CACNA1I: variants seen among roughly 807,000 people sequenced by gnomAD.
CACNA1I encodes calcium voltage-gated channel subunit alpha1 I, also known as voltage-dependent T-type calcium channel subunit alpha-1I.
Under a neutral mutation model 201.6 loss-of-function variants are expected in CACNA1I, and 74 were observed. The ratio of observed to expected loss-of-function variants is 0.37; its 90% CI spans 0.30 to 0.45. The LOEUF (loss-of-function observed/expected upper bound fraction) is 0.45, where lower values mean the gene tolerates loss of function less well. CACNA1I is among the 20% of genes least tolerant of loss of function. The pLI is 1.00. For missense variants in CACNA1I, 2,346 were observed against 3,138.1 expected, an observed-to-expected ratio of 0.75 and a Z score of 6.03; for synonymous variants, 1,431 against 1,345.2, an observed-to-expected ratio of 1.06 and a Z score of -1.40.
chr22:39,660,477 C>T, intron 15 of CACNA1I, 40 bp downstream of exon 15: 1 of 1,460,484 alleles, frequency 6.8e-7, no homozygotes, highest in African/African-American at 1.4e-5. Flanking sequence ...AGCCCAGAGC[C>T]TTCTCCACAG....
At chr22:39,675,237 A>T (rs1264693641) in intron 29 of CACNA1I, among the ~76,000 whole-genome samples, 3 of 152,350 alleles carry the variant, frequency 2.0e-5, no homozygotes, top group Admixed American at 2.0e-4. Context: ...CTTATTTCAA[A>T]GGGCGGCGGT....
At chr22:39,598,850 G>A (rs74433674) in intron 2 of CACNA1I, among the ~76,000 whole-genome samples, 7,378 of 151,558 alleles carry the variant, frequency 0.049, 561 homozygotes, top group African/African-American at 0.16. Context: ...AGATGTTAGG[G>A]TTGTACCCAT....
intron 1 of CACNA1I, among the ~76,000 whole-genome samples, chr22:39,589,878 A>G (rs1932801787): frequency 6.6e-6 from 1 of 152,188 alleles, no homozygotes; most frequent in African/African-American, 2.4e-5. Context: ...TTATTTAGAC[A>G]ACTGAAACGC....
chr22:39,617,663 T>C (rs938218268), intron 3 of CACNA1I, among the ~76,000 whole-genome samples: 4 of 152,122 alleles, frequency 2.6e-5, no homozygotes, highest in Admixed American at 1.3e-4. Context: ...AAAATGACAG[T>C]TGGGCTCACC....
chr22:39,663,960 G>A, intron 19 of CACNA1I, 119 bp downstream of exon 19: 2 of 1,536,816 alleles, frequency 1.3e-6, no homozygotes, highest in Admixed American at 3.4e-5. Context: ...TTTGCCTTTG[G>A]GGCGGGGAAA....
In CACNA1I at chr22:39,673,923, G is replaced by A. The variant is rs74810723; in HGVS notation, c.4784-40G>A. The A allele has an allele frequency of 4.7e-3, 7,532 of 1,598,370 alleles. 294 individuals are homozygous for A. In the African/African-American group the frequency reaches 0.082, roughly 17 times the overall value. On this transcript the variant is annotated intron_variant, in intron 28 of 36. Coordinates refer to ENST00000402142, the MANE Select transcript of CACNA1I (RefSeq NM_021096.4). Reference sequence around the variant, plus strand: ...ATGCGTGCACACACACGTCCCCACCGGCCTGGGGCTGAGTGGGCAGGGCTG... The same window carrying A: ...ATGCGTGCACACACACGTCCCCACCAGCCTGGGGCTGAGTGGGCAGGGCTG...
chr22:39,590,884 C>A (rs1302158741), intron 1 of CACNA1I, among the ~76,000 whole-genome samples: 1 of 152,162 alleles, frequency 6.6e-6, no homozygotes, highest in African/African-American at 2.4e-5. Context: ...CTCGCTCTGT[C>A]GCTCAGGCTG....
chr22:39,578,977 C>T (rs565623047), intron 1 of CACNA1I, among the ~76,000 whole-genome samples: 4 of 152,282 alleles, frequency 2.6e-5, no homozygotes, highest in African/African-American at 9.6e-5. Context: ...AACTTCCAGG[C>T]ACCATCGGCA....
At chr22:39,681,855 C>A (rs570249317) in intron 34 of CACNA1I, among the ~76,000 whole-genome samples, 1 of 152,274 alleles carries the variant, frequency 6.6e-6, no homozygotes, top group South Asian at 2.1e-4. Flanking sequence ...TCATTTTGGT[C>A]CCCTCCCTGA....
intron 3 of CACNA1I, among the ~76,000 whole-genome samples, chr22:39,614,118 G>C (rs1302988359): frequency 3.3e-5 from 5 of 152,200 alleles, no homozygotes; most frequent in African/African-American, 1.2e-4. Context: ...AAAGTACTGG[G>C]CTTACAGGCA....
intron 1 of CACNA1I, among the ~76,000 whole-genome samples, chr22:39,577,663 A>G (rs538105932): frequency 2.0e-5 from 3 of 152,372 alleles, no homozygotes; most frequent in Admixed American, 2.0e-4. Flanking sequence ...CTGTGCAGCC[A>G]GGAGACCCGT....
intron 5 of CACNA1I, among the ~76,000 whole-genome samples, chr22:39,640,611 C>T (rs942960021): frequency 6.6e-6 from 1 of 152,102 alleles, no homozygotes; most frequent in East Asian, 1.9e-4. Context: ...GAGGGCATCT[C>T]CCCCAGGAGC....
chr22:39,674,059 C>G, intron 29 of CACNA1I, 26 bp downstream of exon 29: 1 of 1,608,154 alleles, frequency 6.2e-7, no homozygotes, highest in Non-Finnish European at 8.5e-7. Flanking sequence ...TCTGGCAGCC[C>G]TCCTAGGGGT....
At chr22:39,670,352 G>C in intron 25 of CACNA1I, 122 bp downstream of exon 25, 2 of 998,902 alleles carry the variant, frequency 2.0e-6, no homozygotes, top group East Asian at 5.2e-5. Flanking sequence ...CCTGTGCCCA[G>C]GGCTCAGCCA....
chr22:39,658,662 C>T (rs1016834893), intron 11 of CACNA1I, among the ~76,000 whole-genome samples: 10 of 152,190 alleles, frequency 6.6e-5, no homozygotes, highest in Non-Finnish European at 1.0e-4. Context: ...CCAAAAGACA[C>T]GTTAAATCTC....
intron 29 of CACNA1I, among the ~76,000 whole-genome samples, chr22:39,674,813 T>A (rs1013166542): frequency 2.0e-5 from 3 of 152,150 alleles, no homozygotes; most frequent in Non-Finnish European, 2.9e-5. Flanking sequence ...GCACAGATAC[T>A]GCACATTAAA....
intron 10 of CACNA1I, among the ~76,000 whole-genome samples, chr22:39,650,873 T>G (rs1387655383): frequency 6.6e-6 from 1 of 151,692 alleles, no homozygotes; most frequent in Non-Finnish European, 1.5e-5. Context: ...TGGGAGATGG[T>G]GGGAGCTGGG....
Position 39,686,258 on chromosome 22 carries a change from C to A in CACNA1I, c.6525C>A (p.Ala2175=). 7.8e-7 allele frequency: 1 copy of A among 1,288,346 alleles called. No homozygotes were observed. The highest frequency in any genetic ancestry group is 9.8e-7 in the Non-Finnish European group (1 of 1,017,018). 79.8% of individuals were successfully genotyped at this position (1,288,346 alleles called of 1,614,324 possible). ...CCGCCGCCCTGGCCCACGGCCTGGC[C>A]CGGAGCCCCTCGTGGGCCGCGGACC... The part of the protein sequence containing the change: ...PHAAALAHGL[A]RSPSWAADRS... The change falls in exon 37 of 37, where the codon GCC becomes GCA. Residue 2175 remains alanine (A), a synonymous_variant. Coordinates refer to ENST00000402142, the MANE Select transcript of CACNA1I (RefSeq NM_021096.4).
At chr22:39,598,083 A>G in intron 1 of CACNA1I, 68 bp from the exon 2 acceptor site, 1 of 872,736 alleles carries the variant, frequency 1.1e-6, no homozygotes, top group South Asian at 1.5e-5. Flanking sequence ...CGGGTATTAC[A>G]CTCTAGGGTG....
Sources: allele counts gnomAD v4.1 joint callset (sites outside exome capture counted in the v4.1 genomes callset), GRCh38; gene constraint gnomAD v4.1.1; transcripts MANE v1.5; gene names NCBI Gene and HGNC (gene_info 2026-07-23, HGNC 2026-07-21).